NEGR1: variants seen among roughly 807,000 people sequenced by gnomAD.
The protein encoded by NEGR1 is IgLON family member 4.
In NEGR1, 10 loss-of-function variants were observed where a neutral mutation model predicts 40.9. The observed-to-expected ratio is 0.24, with a 90% CI of 0.15 to 0.42. The LOEUF (loss-of-function observed/expected upper bound fraction) is 0.42, where lower values mean the gene tolerates loss of function less well. NEGR1 is among the 10% of genes least tolerant of loss of function. The pLI is 1.00. For synonymous variants in NEGR1, 185 were observed against 166.8 expected, an observed-to-expected ratio of 1.11 and a Z score of -0.84; for missense variants, 352 against 438.9, an observed-to-expected ratio of 0.80 and a Z score of 1.77.
intron 2 of NEGR1, among the ~76,000 whole-genome samples, chr1:71,823,614 C>T (rs1303978823): frequency 2.0e-5 from 3 of 152,024 alleles, no homozygotes; most frequent in African/African-American, 7.2e-5. Flanking sequence ...GCATCTCAGA[C>T]CTGAGCCTGT....
intron 4 of NEGR1, among the ~76,000 whole-genome samples, chr1:71,650,527 G>T (rs1197001106): frequency 6.6e-6 from 1 of 152,162 alleles, no homozygotes; most frequent in Non-Finnish European, 1.5e-5. Flanking sequence ...GACTGCATTT[G>T]TCTTATTATA....
At chr1:71,500,320 T>C (rs780693724) in intron 6 of NEGR1, among the ~76,000 whole-genome samples, 1 of 151,996 alleles carries the variant, frequency 6.6e-6, no homozygotes, top group South Asian at 2.1e-4. Context: ...TATAGAATCA[T>C]CTAAATGAAA....
chr1:71,480,005 G>A (rs1646844306), intron 6 of NEGR1, among the ~76,000 whole-genome samples: 1 of 151,904 alleles, frequency 6.6e-6, no homozygotes, highest in Non-Finnish European at 1.5e-5. Context: ...GGGCTCACTT[G>A]TAAATATTTT....
chr1:72,058,058 G>C (rs1647128383), intron 1 of NEGR1, among the ~76,000 whole-genome samples: 1 of 151,304 alleles, frequency 6.6e-6, no homozygotes, highest in Admixed American at 6.6e-5. Context: ...TGACTTAGTT[G>C]GGAAACATCT....
intron 1 of NEGR1, among the ~76,000 whole-genome samples, chr1:72,163,181 G>A (rs1429858239): frequency 6.6e-6 from 1 of 152,010 alleles, no homozygotes; most frequent in African/African-American, 2.4e-5. Context: ...CTGCCATCCC[G>A]AATTTAATTA....
At chr1:71,513,079 A>G (rs1647088091) in intron 6 of NEGR1, among the ~76,000 whole-genome samples, 1 of 152,206 alleles carries the variant, frequency 6.6e-6, no homozygotes, top group Non-Finnish European at 1.5e-5. Flanking sequence ...TAGTTTATGG[A>G]TACAATTATA....
At chr1:71,797,888 G>GA (rs1050025027) in intron 2 of NEGR1, among the ~76,000 whole-genome samples, 3 of 151,416 alleles carry the variant, frequency 2.0e-5, no homozygotes, top group African/African-American at 7.3e-5. Flanking sequence ...AATATCTTTA[G>GA]AAAAAACAGA....
chr1:71,497,966 T>C (rs1044073132), intron 6 of NEGR1, among the ~76,000 whole-genome samples: 1 of 152,074 alleles, frequency 6.6e-6, no homozygotes, highest in Non-Finnish European at 1.5e-5. Context: ...CAGAAACAAA[T>C]GTACACTGAA....
At chr1:71,809,662 TTC>T (rs1222813740) in intron 2 of NEGR1, among the ~76,000 whole-genome samples, 2 of 152,162 alleles carry the variant, frequency 1.3e-5, no homozygotes, top group Non-Finnish European at 2.9e-5. Context: ...CTACTAACTA[TTC>T]TCTGACTTCA....
At chr1:71,714,268 C>T (rs574535171) in intron 3 of NEGR1, among the ~76,000 whole-genome samples, 2 of 152,296 alleles carry the variant, frequency 1.3e-5, no homozygotes, top group East Asian at 3.9e-4. Flanking sequence ...GATTCAATTA[C>T]CTCCTCCTGG....
chr1:72,139,562 AAAC>A (rs2100332088), intron 1 of NEGR1, among the ~76,000 whole-genome samples: 1 of 152,230 alleles, frequency 6.6e-6, no homozygotes, highest in South Asian at 2.1e-4. Context: ...TCTTTTAAAG[AAAC>A]AAAATATGAA....
intron 1 of NEGR1, among the ~76,000 whole-genome samples, chr1:71,946,507 AGTGAT>A (rs59138814): frequency 0.036 from 5,522 of 152,184 alleles, 324 homozygotes; most frequent in African/African-American, 0.13. Context: ...TCGAATTAAG[AGTGAT>A]GTGATGTTCA....
intron 1 of NEGR1, among the ~76,000 whole-genome samples, chr1:72,039,203 A>G (rs1646930739): frequency 6.6e-6 from 1 of 152,040 alleles, no homozygotes; most frequent in African/African-American, 2.4e-5. Flanking sequence ...CAATATAATA[A>G]AATAATGTCT....
chr1:72,063,884 C>CG (rs1210182129), intron 1 of NEGR1, among the ~76,000 whole-genome samples: 1 of 151,588 alleles, frequency 6.6e-6, no homozygotes, highest in South Asian at 2.1e-4. Flanking sequence ...AGAGAACCCC[C>CG]CTGTAAGATG....
rs1211281138 is a variant in NEGR1, at chr1:71,407,304, T to A, written c.*142A>T. 1.6e-6 allele frequency: 1 copy of A among 633,488 alleles called. No individual in the cohort carries two copies. The highest frequency in any genetic ancestry group is 2.8e-6 in the Non-Finnish European group (1 of 362,346). The allele number at this position is 633,488 out of a possible 1,614,324, so 39.2% of individuals were successfully genotyped here. A position where few individuals can be genotyped will look rare whatever the true frequency, so the allele number is the denominator to read the frequency against. On this transcript the variant is annotated 3_prime_UTR_variant, in exon 7 of 7. Coordinates refer to ENST00000357731, the MANE Select transcript of NEGR1 (RefSeq NM_173808.3). Reference sequence around the variant, plus strand: ...GAGTAGAATTAAAGTATTTACATAATGAGCAATTCTACAGAAGGCGATCAT... The same window carrying A: ...GAGTAGAATTAAAGTATTTACATAAAGAGCAATTCTACAGAAGGCGATCAT...
intron 4 of NEGR1, among the ~76,000 whole-genome samples, chr1:71,680,824 T>C (rs1652815387): frequency 6.6e-6 from 1 of 152,220 alleles, no homozygotes; most frequent in Non-Finnish European, 1.5e-5. Context: ...TATATTGTAT[T>C]TGCCTAATAT....
chr1:71,939,259 G>C (rs1007368785), intron 1 of NEGR1, among the ~76,000 whole-genome samples: 1 of 152,054 alleles, frequency 6.6e-6, no homozygotes, highest in Non-Finnish European at 1.5e-5. Context: ...AGCAAAAATA[G>C]CGCGACTGTT....
intron 6 of NEGR1, among the ~76,000 whole-genome samples, chr1:71,485,754 C>A (rs1488270699): frequency 1.3e-5 from 2 of 151,658 alleles, no homozygotes; most frequent in Non-Finnish European, 3.0e-5. Context: ...GTATGTCTTT[C>A]CATGGCTTTA....
At chr1:71,756,210 T>G (rs1457591398) in intron 3 of NEGR1, among the ~76,000 whole-genome samples, 4 of 152,136 alleles carry the variant, frequency 2.6e-5, no homozygotes, top group Non-Finnish European at 5.9e-5. Context: ...ATTGTTCCTC[T>G]TCACTTCTGT....
Sources: allele counts gnomAD v4.1 joint callset (sites outside exome capture counted in the v4.1 genomes callset), GRCh38; gene constraint gnomAD v4.1.1; transcripts MANE v1.5; gene names NCBI Gene and HGNC (gene_info 2026-07-23, HGNC 2026-07-21).